Variants in GALC observed in about 807,000 individuals in gnomAD.
GALC encodes the protein galactocerebrosidase.
A neutral mutation model predicts 91.8 loss-of-function variants in GALC; 77 were observed. The ratio of observed to expected loss-of-function variants is 0.84; its 90% CI spans 0.70 to 1.01. The LOEUF is 1.01. Among genes scored for constraint, GALC ranks in the 50% least tolerant of loss-of-function variants. The probability of loss-of-function intolerance (pLI) is 0.00; values close to 1 mark genes in which losing one functional copy is unlikely to be tolerated. For missense variants in GALC, 882 were observed against 855.9 expected (o/e 1.03, Z -0.38); for synonymous variants, 357 against 306.7 (o/e 1.16, Z -1.71).
upstream of GALC, chr14:87,993,617 G>A: frequency 1.4e-6 from 1 of 700,422 alleles, no homozygotes; most frequent in East Asian, 2.7e-5. Flanking sequence ...TGTGAGATGA[G>A]GCGAGAAGAG....
intron 10 of GALC, among the ~76,000 whole-genome samples, chr14:87,961,850 C>T (rs901707896): frequency 6.6e-6 from 1 of 152,128 alleles, no homozygotes; most frequent in Non-Finnish European, 1.5e-5. Flanking sequence ...AGTACCCGAT[C>T]GAGAGAAGAC....
At chr14:87,984,244 G>A in intron 5 of GALC, 150 bp downstream of exon 5, 1 of 737,890 alleles carries the variant, frequency 1.4e-6, no homozygotes, top group South Asian at 1.9e-5. Flanking sequence ...AAGGTCACAG[G>A]TACTTAGTTT....
intron 7 of GALC, among the ~76,000 whole-genome samples, chr14:87,974,033 A>G (rs1291658872): frequency 6.6e-6 from 1 of 152,224 alleles, no homozygotes; most frequent in Non-Finnish European, 1.5e-5. Flanking sequence ...ATAGCAGAAT[A>G]GCTTGTATTA....
At chr14:87,957,558 T>C (rs971803213) in intron 10 of GALC, among the ~76,000 whole-genome samples, 9 of 152,168 alleles carry the variant, frequency 5.9e-5, no homozygotes, top group African/African-American at 2.2e-4. Flanking sequence ...TTGTCAAAGA[T>C]CAGTTGGTTT....
intron 10 of GALC, among the ~76,000 whole-genome samples, chr14:87,956,756 T>G (rs1566982639): frequency 6.6e-6 from 1 of 151,984 alleles, no homozygotes; most frequent in East Asian, 1.9e-4. Context: ...ATACAGTGAC[T>G]TCTTTTCTTT....
rs777305549 is a variant in GALC at position 87,950,702 on chromosome 14, T to C, written c.1208A>G (p.Asn403Ser). 2.0e-5 allele frequency: 32 copies of C among 1,608,434 alleles called. No homozygotes were observed. Among genetic ancestry groups the C allele is most frequent in the Middle Eastern group, 1.7e-4 (1 of 6,060 alleles). The change falls in exon 11 of 17, where the codon AAT (asparagine) becomes AGT (serine). Residue 403 changes from asparagine to serine, a missense_variant. Asn to Ser is a conservative substitution (Grantham distance 46). Coordinates refer to ENST00000261304, the MANE Select transcript of GALC (RefSeq NM_000153.4). ...KCIRPFLPYF[N>S]VSQQFATFVL... The stretch of plus-strand genomic sequence containing the variant: ...AAAGGTGGCAAATTGTTGTGACACA[T>C]TGAAATAAGGAAGAAATGGCCGTAT...
chr14:87,979,002 C>T (rs1313283843), intron 6 of GALC, among the ~76,000 whole-genome samples: 1 of 152,016 alleles, frequency 6.6e-6, no homozygotes, highest in Non-Finnish European at 1.5e-5. Flanking sequence ...CACCTACATT[C>T]GTCATTATTG....
At chr14:87,989,335 T>C (rs1249677245) in intron 1 of GALC, among the ~76,000 whole-genome samples, 1 of 152,174 alleles carries the variant, frequency 6.6e-6, no homozygotes, top group Non-Finnish European at 1.5e-5. Flanking sequence ...TTCTATTTTA[T>C]ATTCTCATAT....
At chr14:87,963,639 G>C (rs563490599) in intron 9 of GALC, 128 bp from the exon 10 acceptor site, 4 of 739,840 alleles carry the variant, frequency 5.4e-6, no homozygotes, top group South Asian at 3.3e-5. Flanking sequence ...TATTTTGCAG[G>C]AATATATCCG....
chr14:87,983,466 T>A (rs1886830518), intron 5 of GALC, among the ~76,000 whole-genome samples: 2 of 152,252 alleles, frequency 1.3e-5, no homozygotes, highest in South Asian at 4.1e-4. Context: ...TATTACAGTT[T>A]ATATGTTCCA....
intron 10 of GALC, among the ~76,000 whole-genome samples, chr14:87,956,652 T>C (rs1467457055): frequency 6.6e-6 from 1 of 151,502 alleles, no homozygotes; most frequent in African/African-American, 2.4e-5. Flanking sequence ...ATATTTCCTT[T>C]ATCCACTCAT....
chr14:87,977,523 GA>G (rs1886552434), intron 6 of GALC, among the ~76,000 whole-genome samples: 1 of 152,110 alleles, frequency 6.6e-6, no homozygotes, highest in Non-Finnish European at 1.5e-5. Flanking sequence ...CAAGAGCAGA[GA>G]AAAGGAGACA....
chr14:87,970,127 C>A (rs894928989), intron 7 of GALC, among the ~76,000 whole-genome samples: 1 of 152,038 alleles, frequency 6.6e-6, no homozygotes, highest in Non-Finnish European at 1.5e-5. Context: ...TTCTTCTATC[C>A]CACAACTCCA....
chr14:87,954,794 C>G lies in GALC; in HGVS notation c.1162-4046G>C, dbSNP rs1171563307. 4 of 1,602,622 alleles carry G rather than the reference C, an allele frequency of 2.5e-6. No homozygotes were observed. In the African/African-American group the frequency reaches 5.4e-5, roughly 21 times the overall value. ...CCCAACATCATATATACTGGCTGCG[C>G]AAAATATGGATTGGAACTAGAAACA... On this transcript the variant is annotated intron_variant, in intron 10 of 16. Transcript: ENST00000261304.
chr14:87,954,969 C>T, intron 10 of GALC: 1 of 1,466,992 alleles, frequency 6.8e-7, no homozygotes, highest in Non-Finnish European at 9.5e-7. Context: ...AGATTCTTCT[C>T]AACATTTTTG....
intron 4 of GALC, among the ~76,000 whole-genome samples, chr14:87,984,905 C>A (rs1269206501): frequency 6.6e-6 from 1 of 151,364 alleles, no homozygotes; most frequent in Admixed American, 6.6e-5. Flanking sequence ...TCTTTGAGGT[C>A]AAATCAAAGA....
chr14:87,954,811 C>T, intron 10 of GALC: 1 of 1,605,884 alleles, frequency 6.2e-7, no homozygotes, highest in Non-Finnish European at 8.5e-7. Context: ...TGGATTGGAA[C>T]TAGAAACAGA....
chr14:87,987,054 T>A (rs186639022), intron 3 of GALC: 1 of 455,238 alleles, frequency 2.2e-6, no homozygotes, highest in Non-Finnish European at 4.4e-6. Flanking sequence ...GCCTATAATA[T>A]GTCTTGATAT....
At chr14:87,974,703 G>A (rs1886425236) in intron 7 of GALC, among the ~76,000 whole-genome samples, 1 of 151,824 alleles carries the variant, frequency 6.6e-6, no homozygotes, top group African/African-American at 2.4e-5. Context: ...AGAAAAAAGC[G>A]AAGGTATTTT....
Sources: allele counts gnomAD v4.1 joint callset (sites outside exome capture counted in the v4.1 genomes callset), GRCh38; gene constraint gnomAD v4.1.1; transcripts MANE v1.5; gene names NCBI Gene and HGNC (gene_info 2026-07-23, HGNC 2026-07-21).